OVOL2: variants seen among roughly 807,000 people sequenced by gnomAD.
The protein encoded by OVOL2 is ovo like zinc finger 2.
Under a neutral mutation model 18.1 loss-of-function variants are expected in OVOL2, and 13 were observed. The ratio of observed to expected loss-of-function variants is 0.72; its 90% CI spans 0.47 to 1.14. The LOEUF (loss-of-function observed/expected upper bound fraction) is 1.14. Among genes scored for constraint, OVOL2 ranks in the 50% most tolerant of loss-of-function variants. The pLI is 0.00. For missense variants in OVOL2, 335 were observed against 383.0 expected (o/e 0.87, Z 1.05); for synonymous variants, 166 against 162.7 (o/e 1.02, Z -0.16).
chr20:18,037,150 A>AAAAAAAAG (rs751298916), intron 3 of OVOL2, among the ~76,000 whole-genome samples: 1 of 147,142 alleles, frequency 6.8e-6, no homozygotes, highest in Non-Finnish European at 1.5e-5. Flanking sequence ...AAAAAAAAAA[A>AAAAAAAAG]AAAGAAAGAA....
At chr20:18,030,261 A>C (rs754732984) in intron 3 of OVOL2, among the ~76,000 whole-genome samples, 2 of 152,214 alleles carry the variant, frequency 1.3e-5, no homozygotes, top group African/African-American at 4.8e-5. Context: ...CCCACTACCC[A>C]GTAGATCAAG....
intron 3 of OVOL2, among the ~76,000 whole-genome samples, chr20:18,034,300 G>A (rs1487807169): frequency 6.6e-6 from 1 of 152,096 alleles, no homozygotes; most frequent in Non-Finnish European, 1.5e-5. Context: ...TGAAATGGGG[G>A]TAAAAAAGTC....
chr20:18,030,648 G>A (rs2036559954), intron 3 of OVOL2, among the ~76,000 whole-genome samples: 1 of 151,526 alleles, frequency 6.6e-6, no homozygotes. Context: ...GCAAACAAGA[G>A]AGATGATGGC....
At chr20:18,042,602 T>A (rs529615086) in intron 2 of OVOL2, among the ~76,000 whole-genome samples, 13 of 151,338 alleles carry the variant, frequency 8.6e-5, no homozygotes, top group Non-Finnish European at 1.2e-4. Flanking sequence ...CGTGGAGAAA[T>A]CCCATCTCTA....
rs541003215 is a variant in OVOL2, at chr20:18,030,230, T to C, written c.512-5278A>G. On this transcript the variant is annotated intron_variant, in intron 3 of 3. Coordinates refer to ENST00000278780, the MANE Select transcript of OVOL2 (RefSeq NM_021220.4). ...GTGTTTTCCCGGCCTTCTGGGCCCA[T>C]GCAGCAGCGAGCAGCTGGCTCCCAC... Among the ~76,000 whole-genome samples the C allele has an allele frequency of 3.3e-5, 5 of 152,304 alleles. No homozygotes were observed. In the East Asian group the frequency reaches 9.6e-4, roughly 29 times the overall value.
In OVOL2 at chr20:18,057,456, C is replaced by G. The variant is rs367561840; in HGVS notation, c.100+79G>C. 6.4e-4 allele frequency: 946 copies of G among 1,479,284 alleles called. 5 individuals are homozygous for G. In the African/African-American group the frequency reaches 0.012, roughly 19 times the overall value. The allele number at this position is 1,479,284 out of a possible 1,614,324, so 91.6% of individuals were successfully genotyped here. A position where few individuals can be genotyped will look rare whatever the true frequency, so the allele number is the denominator to read the frequency against. ...GATGAGGTGGGGAGCCCGCCCCTGC[C>G]GATGAGCAGAGAAGACCCGCCACCC... is the stretch of plus-strand genomic sequence containing the variant. On this transcript the variant is annotated intron_variant, in intron 1 of 3. Transcript: ENST00000278780. The surrounding 1 kb of genome is among the most constrained non-coding windows in gnomAD (Gnocchi z 6.3).
intron 2 of OVOL2, among the ~76,000 whole-genome samples, chr20:18,054,550 C>A (rs1390049184): frequency 6.6e-6 from 1 of 152,110 alleles, no homozygotes; most frequent in Admixed American, 6.5e-5. Flanking sequence ...CAAGACCAGG[C>A]TGACCAACAT....
intron 2 of OVOL2, among the ~76,000 whole-genome samples, chr20:18,046,218 T>G (rs1407109653): frequency 3.3e-5 from 5 of 152,216 alleles, no homozygotes; most frequent in African/African-American, 1.2e-4. Context: ...AACATGAAAT[T>G]TATCCCTAAA....
chr20:18,056,404 G>A lies in OVOL2; in HGVS notation c.321+253C>T, dbSNP rs2036825291. On this transcript the variant is annotated intron_variant, in intron 2 of 3. Coordinates refer to ENST00000278780, the MANE Select transcript of OVOL2 (RefSeq NM_021220.4). This position sits in a 1 kb window ranked among gnomAD's most constrained non-coding sequence, Gnocchi z 4.2. ...TTCCAGAGGCAGCACTCGGCATCAG[G>A]CGGGGCCACCGGGAGGACGGAGCCC... Among the ~76,000 whole-genome samples, 1 of 152,258 alleles carries A rather than the reference G, an allele frequency of 6.6e-6. No homozygotes were observed. The highest frequency in any genetic ancestry group is 1.9e-4 in the East Asian group (1 of 5,166).
intron 2 of OVOL2, among the ~76,000 whole-genome samples, chr20:18,047,826 C>T (rs2036736722): frequency 7.6e-6 from 1 of 132,162 alleles, no homozygotes; most frequent in Non-Finnish European, 1.5e-5. Flanking sequence ...TGCACTCCAG[C>T]CCAGGCGACA....
Position 18,057,002 on chromosome 20 carries a change from C to T in OVOL2, c.101-125G>A. ...GGACCTGGGCACCTCGCCAAGTGGG[C>T]AACGTCGCGGGGGAGGCCAGTAAGC... On this transcript the variant is annotated intron_variant, in intron 1 of 3. Coordinates refer to ENST00000278780, the MANE Select transcript of OVOL2 (RefSeq NM_021220.4). The surrounding 1 kb of genome is among the most constrained non-coding windows in gnomAD (Gnocchi z 6.3). The T allele has an allele frequency of 8.7e-7, 1 of 1,155,348 alleles. No individual in the cohort carries two copies. The highest frequency in any genetic ancestry group is 3.0e-4 in the Middle Eastern group (1 of 3,292). 71.6% of individuals were successfully genotyped at this position (1,155,348 alleles called of 1,614,324 possible). A position where few individuals can be genotyped will look rare whatever the true frequency, so the allele number is the denominator to read the frequency against.
chr20:18,037,151 A>G (rs2036623259), intron 3 of OVOL2, among the ~76,000 whole-genome samples: 2 of 135,544 alleles, frequency 1.5e-5, no homozygotes, highest in South Asian at 4.3e-4. Context: ...AAAAAAAAAA[A>G]AAGAAAGAAA....
chr20:18,032,009 T>TG (rs1363222558), intron 3 of OVOL2, among the ~76,000 whole-genome samples: 1 of 152,080 alleles, frequency 6.6e-6, no homozygotes, highest in Non-Finnish European at 1.5e-5. Flanking sequence ...CAGGCATGCT[T>TG]GTGGGAGTGG....
chr20:18,056,723 G>T lies in OVOL2; in HGVS notation c.255C>A (p.Gly85=). ...HAPESETPEP[G]DAEGPDGHLA... ...GGTGTCCATCGGGGCCCTCGGCGTC[G>T]CCGGGCTCGGGGGTTTCGCTCTCGG... The change falls in exon 2 of 4, where the codon GGC becomes GGA. Residue 85 remains glycine (G), a synonymous_variant. Transcript: ENST00000278780. This position sits in a 1 kb window ranked among gnomAD's most constrained non-coding sequence, Gnocchi z 4.2. The T allele has an allele frequency of 6.8e-7, 1 of 1,464,776 alleles. No homozygotes were observed. The highest frequency in any genetic ancestry group is 9.0e-7 in the Non-Finnish European group (1 of 1,114,612). The allele number at this position is 1,464,776 out of a possible 1,614,324, so 90.7% of individuals were successfully genotyped here.
At chr20:18,042,120 C>T (rs984995119) in intron 2 of OVOL2, among the ~76,000 whole-genome samples, 2 of 151,920 alleles carry the variant, frequency 1.3e-5, no homozygotes, top group Non-Finnish European at 2.9e-5. Context: ...ACCATGTTGG[C>T]CAGGCTGGTC....
chr20:18,044,887 G>C (rs1224131195), intron 2 of OVOL2, among the ~76,000 whole-genome samples: 1 of 152,184 alleles, frequency 6.6e-6, no homozygotes, highest in African/African-American at 2.4e-5. Context: ...TGGCTAGCCT[G>C]AGCCTGGGAG....
intron 2 of OVOL2, among the ~76,000 whole-genome samples, chr20:18,043,064 A>C (rs2036689268): frequency 6.6e-6 from 1 of 152,180 alleles, no homozygotes; most frequent in Non-Finnish European, 1.5e-5. Context: ...ATCTCCTTGA[A>C]GGGGAGCAAA....
chr20:18,056,549 G>A lies in OVOL2; in HGVS notation c.321+108C>T, dbSNP rs2036827152. 1 of 1,139,672 alleles carries A rather than the reference G, an allele frequency of 8.8e-7. No individual in the cohort carries two copies. Among genetic ancestry groups the A allele is most frequent in the African/African-American group, 1.6e-5 (1 of 61,022 alleles). 70.6% of individuals were successfully genotyped at this position (1,139,672 alleles called of 1,614,324 possible). ...GCGGCGCGGCGGGCGCGCTCGGGGCGCGGGTGCCGGGTTGCGCAGGCGGGC... is the reference window on the plus strand; with the variant it reads ...GCGGCGCGGCGGGCGCGCTCGGGGCACGGGTGCCGGGTTGCGCAGGCGGGC... On this transcript the variant is annotated intron_variant, in intron 2 of 3. Transcript: ENST00000278780. This position sits in a 1 kb window ranked among gnomAD's most constrained non-coding sequence, Gnocchi z 4.2.
intron 3 of OVOL2, among the ~76,000 whole-genome samples, chr20:18,027,607 TG>T (rs2036531723): frequency 6.6e-6 from 1 of 152,076 alleles, no homozygotes; most frequent in South Asian, 2.1e-4. Flanking sequence ...TTTTGTTTTT[TG>T]TTTTTGAGAC....
Sources: allele counts gnomAD v4.1 joint callset (sites outside exome capture counted in the v4.1 genomes callset), GRCh38; gene constraint gnomAD v4.1.1; non-coding constraint Gnocchi (gnomAD v3.1); transcripts MANE v1.5; gene names NCBI Gene and HGNC (gene_info 2026-07-23, HGNC 2026-07-21).